TTC34: variants seen among roughly 807,000 people sequenced by gnomAD.
The protein encoded by TTC34 is tetratricopeptide repeat domain 34.
In TTC34, 44 loss-of-function variants were observed where a neutral mutation model predicts 40.7. The observed-to-expected ratio is 1.08, with a 90% CI of 0.85 to 1.39. The LOEUF (loss-of-function observed/expected upper bound fraction) is 1.39. TTC34 is among the 40% of genes most tolerant of loss of function. The pLI, the probability that TTC34 is intolerant of heterozygous loss-of-function variation, is 0.00. For synonymous variants in TTC34, 422 were observed against 398.6 expected, an observed-to-expected ratio of 1.06 and a Z score of -0.70; for missense variants, 884 against 838.0, an observed-to-expected ratio of 1.05 and a Z score of -0.68.
chr1:2,686,801 A>C, intron 6 of TTC34, among the ~76,000 whole-genome samples: 9 of 126,890 alleles, frequency 7.1e-5, no homozygotes, highest in African/African-American at 1.3e-4. Context: ...CAGCACCCAC[A>C]CCCCCAGGCG....
chr1:2,652,193 C>A (rs1570752993), intron 6 of TTC34, among the ~76,000 whole-genome samples: 1 of 6,604 alleles, frequency 1.5e-4, no homozygotes, highest in Non-Finnish European at 3.8e-4. Flanking sequence ...CAGACTGGAA[C>A]AGCACCCTGC....
intron 6 of TTC34, among the ~76,000 whole-genome samples, chr1:2,686,065 G>T (rs1640328101): frequency 7.8e-6 from 1 of 128,458 alleles, no homozygotes; most frequent in Non-Finnish European, 1.6e-5. Context: ...CCGACAGCCT[G>T]GAGAAGCACC....
chr1:2,675,685 CCCAGG>C (rs1639888197), intron 6 of TTC34, among the ~76,000 whole-genome samples: 1 of 137,730 alleles, frequency 7.3e-6, no homozygotes, highest in African/African-American at 2.7e-5. Context: ...CACCCACACC[CCCAGG>C]TGAGCATGTG....
chr1:2,657,494 C>T (rs1405974308), intron 6 of TTC34, among the ~76,000 whole-genome samples: 1 of 96,550 alleles, frequency 1.0e-5, no homozygotes, highest in Admixed American at 9.9e-5. Context: ...CGGAGCAGCA[C>T]CCACAACCCC....
intron 5 of TTC34, among the ~76,000 whole-genome samples, chr1:2,784,398 T>C (rs1419283885): frequency 5.3e-5 from 8 of 152,192 alleles, no homozygotes; most frequent in South Asian, 2.1e-4. Flanking sequence ...AACGTGACCA[T>C]TGAAGCACCA....
chr1:2,644,017 C>G (rs1486247792), intron 8 of TTC34, among the ~76,000 whole-genome samples: 1 of 152,206 alleles, frequency 6.6e-6, no homozygotes, highest in Non-Finnish European at 1.5e-5. Context: ...TCTCTTGCAC[C>G]CAAGTCACCT....
intron 6 of TTC34, among the ~76,000 whole-genome samples, chr1:2,683,329 C>G (rs1286140789): frequency 2.0e-4 from 29 of 148,594 alleles, no homozygotes; most frequent in African/African-American, 6.3e-4. Flanking sequence ...GAGCATCTGA[C>G]AGACTGGAAC....
At chr1:2,777,692 G>A (rs868076763) in intron 6 of TTC34, among the ~76,000 whole-genome samples, 5 of 151,834 alleles carry the variant, frequency 3.3e-5, no homozygotes, top group Admixed American at 3.3e-4. Flanking sequence ...AGGGCATGGG[G>A]GGGGGGGCGC....
At chr1:2,649,161 C>T (rs1639077227) in intron 6 of TTC34, among the ~76,000 whole-genome samples, 1 of 152,000 alleles carries the variant, frequency 6.6e-6, no homozygotes, top group African/African-American at 2.4e-5. Flanking sequence ...GAACGGTATC[C>T]ACACCCACAG....
intron 6 of TTC34, among the ~76,000 whole-genome samples, chr1:2,750,317 C>T (rs1288716092): frequency 9.7e-6 from 1 of 102,594 alleles, no homozygotes; most frequent in South Asian, 3.5e-4. Flanking sequence ...TGGAACTGCA[C>T]CCCCATGCCC....
chr1:2,644,636 G>A (rs1232735857), intron 7 of TTC34, among the ~76,000 whole-genome samples, 158 bp from the exon 8 acceptor site: 4 of 152,206 alleles, frequency 2.6e-5, no homozygotes, highest in Non-Finnish European at 5.9e-5. Flanking sequence ...GAGGTGCACC[G>A]TGATTCCAGG....
At chr1:2,759,868 T>TATCTGACAGCATGGAAC (rs1641636507) in intron 6 of TTC34, among the ~76,000 whole-genome samples, 1 of 64,982 alleles carries the variant, frequency 1.5e-5, no homozygotes, top group Non-Finnish European at 2.7e-5. Context: ...CAGCCTGGAG[T>TATCTGACAGCATGGAAC]AGTATCCTGC....
intron 6 of TTC34, among the ~76,000 whole-genome samples, chr1:2,694,118 CG>C (rs1640752285): frequency 9.8e-6 from 1 of 101,598 alleles, no homozygotes; most frequent in South Asian, 3.8e-4. Flanking sequence ...CCCCCAGGTG[CG>C]CACGTGACAG....
At chr1:2,775,346 C>T (rs1282848141) in intron 6 of TTC34, 3 of 150,956 alleles carry the variant, frequency 2.0e-5, no homozygotes, top group African/African-American at 2.5e-5. Context: ...AACAGAACCC[C>T]GCTCTTCCAG....
intron 6 of TTC34, among the ~76,000 whole-genome samples, chr1:2,753,682 G>A (rs1200387341): frequency 1.2e-3 from 124 of 102,620 alleles, no homozygotes; most frequent in Non-Finnish European, 1.6e-3. Context: ...TGAGAGCCTG[G>A]AACAGCACCC....
At chr1:2,791,273 G>C (rs1482164185) in intron 2 of TTC34, among the ~76,000 whole-genome samples, 1 of 152,210 alleles carries the variant, frequency 6.6e-6, no homozygotes, top group Non-Finnish European at 1.5e-5. Flanking sequence ...ACTCCGTGCT[G>C]GGCGGGCTTC....
At chr1:2,790,803 C>G (rs978889413) in intron 2 of TTC34, among the ~76,000 whole-genome samples, 5 of 152,200 alleles carry the variant, frequency 3.3e-5, no homozygotes, top group African/African-American at 1.2e-4. Flanking sequence ...TTGCAGTGGC[C>G]ATTTATTCCT....
At chr1:2,687,273 C>T (rs1465146588) in intron 6 of TTC34, among the ~76,000 whole-genome samples, 2 of 127,240 alleles carry the variant, frequency 1.6e-5, no homozygotes, top group African/African-American at 7.2e-5. Flanking sequence ...TGGTCTGGAG[C>T]AGCACCCACA....
At chr1:2,651,459 C>T (rs1163503929) in intron 6 of TTC34, among the ~76,000 whole-genome samples, 1 of 152,050 alleles carries the variant, frequency 6.6e-6, no homozygotes. Flanking sequence ...ATCTGACAGC[C>T]AAGGACGCCA....
Sources: gnomAD v4.1 joint callset for allele counts (sites outside exome capture counted in the v4.1 genomes callset) on GRCh38, gnomAD v4.1.1 for gene constraint, MANE v1.5 for transcripts, NCBI Gene and HGNC (gene_info 2026-07-23, HGNC 2026-07-21) for gene names.